The following FA2H variants were observed in gnomAD, a reference collection of about 807,000 sequenced individuals.
The protein encoded by FA2H is fatty acid alpha-hydroxylase.
In FA2H, 22 loss-of-function variants were observed where a neutral mutation model predicts 44.9. The ratio of observed to expected loss-of-function variants is 0.49; its 90% CI spans 0.35 to 0.70. The LOEUF (loss-of-function observed/expected upper bound fraction) is 0.70, where lower values mean the gene tolerates loss of function less well. Among genes scored for constraint, FA2H ranks in the 30% least tolerant of loss-of-function variants. FA2H has a pLI of 0.01. For synonymous variants in FA2H, 243 were observed against 213.2 expected (o/e 1.14, Z -1.22); for missense variants, 501 against 504.9 (o/e 0.99, Z 0.07).
chr16:74,730,879 G>A (rs993391281), intron 2 of FA2H, among the ~76,000 whole-genome samples: 1 of 152,180 alleles, frequency 6.6e-6, no homozygotes, highest in Non-Finnish European at 1.5e-5. Context: ...CCGAGGCTGA[G>A]TAATCTGCCC....
chr16:74,755,949 A>G lies in FA2H; in HGVS notation c.271-15834T>C, dbSNP rs1255918134. On this transcript the variant is annotated intron_variant, in intron 1 of 6. Transcript: ENST00000219368. ...CCTTACAGCCAATGCCCAAATCAAG[A>G]TACAGACCAGTTCCATCTCCCCAGA... Among the ~76,000 whole-genome samples the G allele has an allele frequency of 3.3e-5, 5 of 152,238 alleles. No individual in the cohort carries two copies. The East Asian group carries it at 5.8e-4, about 18-fold the overall frequency.
At chr16:74,718,925 C>G (rs377559323) in intron 5 of FA2H, 63 bp downstream of exon 5, 3 of 1,587,796 alleles carry the variant, frequency 1.9e-6, no homozygotes, top group South Asian at 2.2e-5. Flanking sequence ...GAAGCTGCGG[C>G]TGGCTGCCGG....
chr16:74,724,153 C>T (rs1486576874), intron 4 of FA2H, among the ~76,000 whole-genome samples: 11 of 152,192 alleles, frequency 7.2e-5, no homozygotes, highest in African/African-American at 2.2e-4. Context: ...CCACCCACCT[C>T]GGCCTCCCAA....
intron 4 of FA2H, among the ~76,000 whole-genome samples, chr16:74,719,802 C>T (rs1032398656): frequency 5.1e-4 from 77 of 152,146 alleles, no homozygotes; most frequent in Admixed American, 1.4e-3. Context: ...GCAATTCTCT[C>T]GCCTTGGCCT....
At chr16:74,748,914 C>T (rs1222455387) in intron 1 of FA2H, among the ~76,000 whole-genome samples, 2 of 152,202 alleles carry the variant, frequency 1.3e-5, no homozygotes, top group Non-Finnish European at 2.9e-5. Context: ...ATGGTTGCCT[C>T]GGGCCTTGGG....
intron 1 of FA2H, among the ~76,000 whole-genome samples, chr16:74,765,777 C>T (rs571074054): frequency 6.6e-6 from 1 of 152,198 alleles, no homozygotes; most frequent in African/African-American, 2.4e-5. Context: ...TGGCCTTGAA[C>T]TCCTGGTCTC....
At chr16:74,774,167 G>A (rs143140299) in intron 1 of FA2H, among the ~76,000 whole-genome samples, 136 of 152,238 alleles carry the variant, frequency 8.9e-4, no homozygotes, top group Middle Eastern at 3.4e-3. Flanking sequence ...GGACAGAAAC[G>A]GGAATCCAGG....
chr16:74,722,732 G>A (rs1456818499), intron 4 of FA2H, among the ~76,000 whole-genome samples: 2 of 151,994 alleles, frequency 1.3e-5, no homozygotes, highest in East Asian at 3.9e-4. Flanking sequence ...GACCAACATG[G>A]AGAAACTTCC....
At chr16:74,755,764 A>G (rs1434662079) in intron 1 of FA2H, among the ~76,000 whole-genome samples, 1 of 152,206 alleles carries the variant, frequency 6.6e-6, no homozygotes, top group Non-Finnish European at 1.5e-5. Context: ...AGGCTTGTGT[A>G]TACCAGCACT....
chr16:74,774,256 G>A (rs1029567937), intron 1 of FA2H, among the ~76,000 whole-genome samples: 1 of 152,056 alleles, frequency 6.6e-6, no homozygotes, highest in Non-Finnish European at 1.5e-5. Flanking sequence ...GCACGGAGGC[G>A]GGCCAGGCGG....
intron 1 of FA2H, among the ~76,000 whole-genome samples, chr16:74,744,936 C>A (rs542009793): frequency 6.6e-6 from 1 of 152,122 alleles, no homozygotes; most frequent in African/African-American, 2.4e-5. Context: ...GGGAAGTGAA[C>A]AATTTTGTAG....
chr16:74,749,556 C>G (rs981704489), intron 1 of FA2H, among the ~76,000 whole-genome samples: 1 of 152,210 alleles, frequency 6.6e-6, no homozygotes, highest in East Asian at 1.9e-4. Flanking sequence ...CTCTATTCAC[C>G]ACGGACCCAG....
chr16:74,767,979 G>C (rs1962839366), intron 1 of FA2H, among the ~76,000 whole-genome samples: 1 of 152,162 alleles, frequency 6.6e-6, no homozygotes, highest in South Asian at 2.1e-4. Context: ...GGAAGGCGAA[G>C]GTCCTGGTAA....
intron 1 of FA2H, among the ~76,000 whole-genome samples, chr16:74,747,845 C>G (rs537346312): frequency 2.0e-5 from 3 of 152,264 alleles, no homozygotes; most frequent in South Asian, 4.1e-4. Flanking sequence ...CAGTTTGTTA[C>G]AGCAGCCTAG....
intron 5 of FA2H, chr16:74,716,885 G>A (rs1961717995): frequency 4.3e-6 from 2 of 468,710 alleles, no homozygotes; most frequent in African/African-American, 1.9e-5. Flanking sequence ...TGTGCTGGCG[G>A]CTCAGAGCCC....
chr16:74,723,808 C>G (rs1055659436), intron 4 of FA2H, among the ~76,000 whole-genome samples: 1 of 152,096 alleles, frequency 6.6e-6, no homozygotes, highest in Non-Finnish European at 1.5e-5. Context: ...AGGGAAACAC[C>G]CTACCCATCT....
intron 1 of FA2H, among the ~76,000 whole-genome samples, chr16:74,768,294 G>A (rs1266152391): frequency 1.3e-5 from 2 of 152,146 alleles, no homozygotes; most frequent in Non-Finnish European, 2.9e-5. Flanking sequence ...TTTATTCACT[G>A]AATTGTGGGG....
At chr16:74,759,933 G>A (rs889009153) in intron 1 of FA2H, among the ~76,000 whole-genome samples, 1 of 152,140 alleles carries the variant, frequency 6.6e-6, no homozygotes, top group African/African-American at 2.4e-5. Context: ...GGAAGGAGGT[G>A]AGGATCTACA....
At chr16:74,717,101 G>A (rs1466161927) in intron 5 of FA2H, 1 of 157,318 alleles carries the variant, frequency 6.4e-6, no homozygotes, top group Non-Finnish European at 1.4e-5. Flanking sequence ...GTCACTAGAG[G>A]TGTCCTCCCC....
Sources: gnomAD v4.1 joint callset for allele counts (sites outside exome capture counted in the v4.1 genomes callset) on GRCh38, gnomAD v4.1.1 for gene constraint, MANE v1.5 for transcripts, NCBI Gene and HGNC (gene_info 2026-07-23, HGNC 2026-07-21) for gene names.